Variants in ATXN2 observed in about 807,000 individuals in gnomAD.
ATXN2 encodes ataxin 2, also known as ataxin-2.
In ATXN2, 37 loss-of-function variants were observed where a neutral mutation model predicts 138.6. The observed-to-expected ratio is 0.27, with a 90% CI of 0.21 to 0.35. ATXN2 has a LOEUF of 0.35. ATXN2 is among the 10% of genes least tolerant of loss of function. The pLI is 1.00. For missense variants in ATXN2, 1,216 were observed against 1,480.3 expected (o/e 0.82, Z 2.93); for synonymous variants, 549 against 543.7 (o/e 1.01, Z -0.13).
Position 111,552,918 on chromosome 12 carries a change from A to C in ATXN2, c.408T>G (p.Thr136=), listed in dbSNP as rs143935583. 36 of 1,556,230 alleles carry C rather than the reference A, an allele frequency of 2.3e-5. No homozygotes were observed. Among genetic ancestry groups the C allele is most frequent in the Non-Finnish European group, 3.1e-5 (36 of 1,157,434 alleles). The change falls in exon 4 of 25, where the codon ACT becomes ACG. Residue 136 remains threonine, a synonymous_variant. Coordinates refer to ENST00000673436, the MANE Select transcript of ATXN2 (RefSeq NM_001372574.1). The surrounding 1 kb of genome is among the most constrained non-coding windows in gnomAD (Gnocchi z 4.1). ...AAGTAAAAATTACCTTCGGACTGTA[A>C]GTTTTAAAAACTCCTTCATATATAC... The part of the protein sequence containing the change: ...NGGIYEGVFK[T]YSPKCDLVLD...
chr12:111,509,959 G>T lies in ATXN2; in HGVS notation c.1796C>A (p.Pro599His), dbSNP rs1417257272. ...TTTAATATTTTCTTTATTCCCTGCA[G>T]GAGAGTTCTGCCTCTGATCTTGAAG... Reference protein sequence around the residue: ...SRLQDQRQNSPAGNKENIKPN... With the variant: ...SRLQDQRQNSHAGNKENIKPN... The change falls in exon 13 of 25, where the codon CCT (proline) becomes CAT (histidine). Residue 599 changes from proline to histidine, a missense_variant. Coordinates refer to ENST00000673436, the MANE Select transcript of ATXN2 (RefSeq NM_001372574.1). 6.2e-7 allele frequency: 1 copy of T among 1,612,868 alleles called. No homozygotes were observed. Among genetic ancestry groups the T allele is most frequent in the African/African-American group, 1.3e-5 (1 of 74,970 alleles).
In ATXN2 at chr12:111,599,086, C is replaced by CG; in HGVS notation, c.-53dup. 4 of 1,372,250 alleles carry CG rather than the reference C, an allele frequency of 2.9e-6. No homozygotes were observed. Among genetic ancestry groups the CG allele is most frequent in the Non-Finnish European group, 3.8e-6 (4 of 1,061,818 alleles). The allele number at this position is 1,372,250 out of a possible 1,614,324, so 85.0% of individuals were successfully genotyped here. A position where few individuals can be genotyped will look rare whatever the true frequency, so the allele number is the denominator to read the frequency against. On this transcript the variant is annotated 5_prime_UTR_variant, in exon 1 of 25. Coordinates refer to ENST00000673436, the MANE Select transcript of ATXN2 (RefSeq NM_001372574.1). ...ACGCCGGGCGGGGACAGCCGGGAGC[C>CG]GGGCGCGCCAAGGAGACGCCGGAAC...
At chr12:111,542,055 A>G (rs1329369691) in intron 5 of ATXN2, among the ~76,000 whole-genome samples, 1 of 149,226 alleles carries the variant, frequency 6.7e-6, no homozygotes, top group African/African-American at 2.4e-5. Context: ...GGCGTGAGCC[A>G]ACGTGCCCGG....
intron 23 of ATXN2, 95 bp downstream of exon 23, chr12:111,455,934 A>G (rs1875052244): frequency 1.7e-6 from 2 of 1,196,546 alleles, no homozygotes; most frequent in Non-Finnish European, 1.3e-6. Context: ...GGCATGACAC[A>G]CAGGGTTTCC....
At chr12:111,488,180 T>G (rs1385688804) in intron 15 of ATXN2, among the ~76,000 whole-genome samples, 2 of 152,198 alleles carry the variant, frequency 1.3e-5, no homozygotes, top group African/African-American at 2.4e-5. Context: ...ATAGGTCCCC[T>G]GAATTGATAA....
At chr12:111,507,527 C>T (rs142096264) in intron 14 of ATXN2, among the ~76,000 whole-genome samples, 10,109 of 151,364 alleles carry the variant, frequency 0.067, 1,239 homozygotes, top group East Asian at 0.57. Context: ...CCGCCCCATC[C>T]GGGAGGGAGG....
At chr12:111,563,822 C>T (rs1429456347) in intron 1 of ATXN2, among the ~76,000 whole-genome samples, 1 of 152,142 alleles carries the variant, frequency 6.6e-6, no homozygotes, top group Non-Finnish European at 1.5e-5. Flanking sequence ...CCTACTCAGC[C>T]TTGAAACTCA....
intron 7 of ATXN2, 85 bp from the exon 8 acceptor site, chr12:111,520,161 T>G: frequency 6.7e-7 from 1 of 1,494,422 alleles, no homozygotes; most frequent in African/African-American, 1.4e-5. Flanking sequence ...TAAGAAAGTT[T>G]AGAGTTTAGA....
chr12:111,591,454 G>C (rs1355864453), intron 1 of ATXN2, among the ~76,000 whole-genome samples: 1 of 151,982 alleles, frequency 6.6e-6, no homozygotes. Context: ...AGGATCACTT[G>C]AGCCCAGGAG....
intron 5 of ATXN2, among the ~76,000 whole-genome samples, chr12:111,531,134 G>A (rs1880808318): frequency 6.6e-6 from 1 of 152,018 alleles, no homozygotes; most frequent in African/African-American, 2.4e-5. Context: ...AAATCAACAG[G>A]CTGGGCACAG....
At chr12:111,591,136 G>A (rs974027179) in intron 1 of ATXN2, among the ~76,000 whole-genome samples, 10 of 151,878 alleles carry the variant, frequency 6.6e-5, no homozygotes, top group African/African-American at 1.2e-4. Context: ...TGATCTGCCC[G>A]CCTCGGCCTC....
chr12:111,587,030 T>C (rs759352583), intron 1 of ATXN2, among the ~76,000 whole-genome samples: 1 of 148,168 alleles, frequency 6.7e-6, no homozygotes, highest in Non-Finnish European at 1.5e-5. Flanking sequence ...AGCCCAGAAG[T>C]TGGAGGCCAG....
intron 18 of ATXN2, among the ~76,000 whole-genome samples, chr12:111,479,792 A>G (rs1877087419): frequency 6.6e-6 from 1 of 151,650 alleles, no homozygotes. Flanking sequence ...TTCTTCTTCC[A>G]ATATGACCCA....
intron 21 of ATXN2, among the ~76,000 whole-genome samples, chr12:111,459,900 A>G (rs1190567705): frequency 6.8e-6 from 1 of 147,720 alleles, no homozygotes; most frequent in Non-Finnish European, 1.5e-5. Flanking sequence ...TATTTTTAGT[A>G]GAGACGGGGT....
At chr12:111,567,693 G>C (rs940352606) in intron 1 of ATXN2, among the ~76,000 whole-genome samples, 2 of 149,606 alleles carry the variant, frequency 1.3e-5, no homozygotes, top group African/African-American at 4.9e-5. Context: ...GTGCACCCAT[G>C]GCCCCAGCTA....
intron 1 of ATXN2, among the ~76,000 whole-genome samples, chr12:111,577,329 G>C (rs1469905760): frequency 1.3e-5 from 2 of 151,922 alleles, no homozygotes; most frequent in African/African-American, 4.8e-5. Flanking sequence ...GCAGTGGCAC[G>C]ATCTCGGCTC....
chr12:111,596,205 A>AACACACAC lies in ATXN2; in HGVS notation c.251+2571_251+2578dup, dbSNP rs35316415. The stretch of plus-strand genomic sequence containing the variant: ...GGCGACAGAGTGAGATTCCATCCAA[A>AACACACAC]ACACACACACACACACACACACACA... On this transcript the variant is annotated intron_variant, in intron 1 of 24. Transcript: ENST00000673436. Among the ~76,000 whole-genome samples, 961 of 141,830 alleles carry AACACACAC rather than the reference A, an allele frequency of 6.8e-3. 25 individuals are homozygous for AACACACAC. The East Asian group carries it at 0.082, about 12-fold the overall frequency. The allele number at this position is 141,830 out of a possible 152,430, so 93.0% of individuals were successfully genotyped here. A position where few individuals can be genotyped will look rare whatever the true frequency, so the allele number is the denominator to read the frequency against.
chr12:111,548,204 C>T (rs1881936562), intron 5 of ATXN2, among the ~76,000 whole-genome samples: 1 of 152,100 alleles, frequency 6.6e-6, no homozygotes, highest in South Asian at 2.1e-4. Context: ...AACAAACAAA[C>T]AAACATTAAT....
chr12:111,516,112 AACAAAG>A lies in ATXN2; in HGVS notation c.1375+36_1375+41del, dbSNP rs1171911153. 6.5e-7 allele frequency: 1 copy of A among 1,548,576 alleles called. No individual in the cohort carries two copies. The highest frequency in any genetic ancestry group is 2.3e-5 in the East Asian group (1 of 43,228). On this transcript the variant is annotated intron_variant, in intron 10 of 24. Coordinates refer to ENST00000673436, the MANE Select transcript of ATXN2 (RefSeq NM_001372574.1). The surrounding 1 kb of genome is among the most constrained non-coding windows in gnomAD (Gnocchi z 5.0). Reference sequence around the variant, plus strand: ...TAATTATAAACTCACATAGGAGTTAAACAAAGACAAACAAAAACATGAACAAATTGT... The same window carrying A: ...TAATTATAAACTCACATAGGAGTTAAACAAACAAAAACATGAACAAATTGT...
Sources: allele counts gnomAD v4.1 joint callset (sites outside exome capture counted in the v4.1 genomes callset), GRCh38; gene constraint gnomAD v4.1.1; non-coding constraint Gnocchi (gnomAD v3.1); transcripts MANE v1.5; gene names NCBI Gene and HGNC (gene_info 2026-07-23, HGNC 2026-07-21).